SYNPO2: variants seen among roughly 807,000 people sequenced by gnomAD.
The protein encoded by SYNPO2 is synaptopodin-2.
A neutral mutation model predicts 85.0 loss-of-function variants in SYNPO2; 56 were observed. The ratio of observed to expected loss-of-function variants is 0.66; its 90% confidence interval spans 0.53 to 0.82. The LOEUF (loss-of-function observed/expected upper bound fraction) is 0.82. SYNPO2 is among the 40% of genes least tolerant of loss of function. SYNPO2 has a pLI of 0.00. For synonymous variants in SYNPO2, 602 were observed against 591.1 expected (o/e 1.02, Z -0.27); for missense variants, 1,575 against 1,534.2 (o/e 1.03, Z -0.44).
At chr4:118,914,365 A>G (rs1578545150) in intron 1 of SYNPO2, among the ~76,000 whole-genome samples, 1 of 152,160 alleles carries the variant, frequency 6.6e-6, no homozygotes. Context: ...AAGCCAAGAG[A>G]ACAGAGTATG....
intron 1 of SYNPO2, among the ~76,000 whole-genome samples, chr4:118,990,297 CAGTGCTGTGGTTGCTCAGAGGCA>C (rs1736366295): frequency 1.3e-5 from 2 of 152,190 alleles, no homozygotes; most frequent in Admixed American, 6.5e-5. Flanking sequence ...AAGAAACGTG[CAGTGCTGTGGTTGCTCAGAGGCA>C]AGAGCAATGG....
intron 1 of SYNPO2, among the ~76,000 whole-genome samples, chr4:118,973,911 T>C (rs1377050906): frequency 6.6e-6 from 1 of 152,208 alleles, no homozygotes; most frequent in Non-Finnish European, 1.5e-5. Flanking sequence ...GAACATAGTT[T>C]AACACAAGTA....
intron 4 of SYNPO2, chr4:119,037,354 A>C (rs1738558530): frequency 8.0e-7 from 1 of 1,255,180 alleles, no homozygotes; most frequent in Admixed American, 3.8e-5. Flanking sequence ...AAATTTCAAA[A>C]ATCAAAAGTT....
At chr4:118,872,880 G>A (rs974241046) in intron 1 of SYNPO2, among the ~76,000 whole-genome samples, 27 of 150,918 alleles carry the variant, frequency 1.8e-4, no homozygotes, top group Non-Finnish European at 4.0e-4. Flanking sequence ...ATGTCCATGT[G>A]TACACATTAT....
intron 1 of SYNPO2, among the ~76,000 whole-genome samples, chr4:118,881,264 T>G (rs1732091132): frequency 6.9e-6 from 1 of 145,514 alleles, no homozygotes; most frequent in African/African-American, 2.6e-5. Flanking sequence ...ATCGCACCAC[T>G]GGACTCCAGC....
chr4:118,976,290 G>A (rs1450742493), intron 1 of SYNPO2, among the ~76,000 whole-genome samples: 2 of 152,036 alleles, frequency 1.3e-5, no homozygotes, highest in African/African-American at 2.4e-5. Context: ...AGCTCTTAAG[G>A]CAGCGCGTCT....
At chr4:119,032,929 T>TTTGG in intron 4 of SYNPO2, 61 of 905,184 alleles carry the variant, frequency 6.7e-5, no homozygotes, top group Non-Finnish European at 7.5e-5. Flanking sequence ...AAAGGTTGAT[T>TTTGG]CCCACCCTCC....
upstream of SYNPO2, among the ~76,000 whole-genome samples, chr4:118,887,698 G>A (rs1289359419): frequency 6.6e-6 from 1 of 152,178 alleles, no homozygotes; most frequent in Non-Finnish European, 1.5e-5. Context: ...GAAATAGACT[G>A]TAGTCACTTA....
intron 1 of SYNPO2, among the ~76,000 whole-genome samples, chr4:119,010,210 A>T (rs1737238576): frequency 6.6e-6 from 1 of 152,192 alleles, no homozygotes; most frequent in Non-Finnish European, 1.5e-5. Flanking sequence ...TGAGGCTAAC[A>T]TTAATTTGTC....
rs376356542 is a variant in SYNPO2, at chr4:118,933,937, T to G, written c.105+44796T>G. On this transcript the variant is annotated intron_variant, in intron 1 of 4. Transcript: ENST00000307142. ...AAAACTGCTTTAGATCTTTAAATTC[T>G]TATTAATTTTTCAGTTGCAATGCTA... Among the ~76,000 whole-genome samples the G allele has an allele frequency of 2.0e-4, 29 of 148,530 alleles. 1 individual carries two copies. The South Asian group carries it at 2.0e-3, about 10-fold the overall frequency.
intron 1 of SYNPO2, among the ~76,000 whole-genome samples, chr4:118,863,329 T>C (rs891922759): frequency 4.6e-5 from 7 of 152,218 alleles, no homozygotes; most frequent in Admixed American, 1.3e-4. Flanking sequence ...GGCTTCAATC[T>C]TGTTATTTGT....
chr4:118,921,992 A>G (rs1179594954), intron 1 of SYNPO2, among the ~76,000 whole-genome samples: 1 of 152,166 alleles, frequency 6.6e-6, no homozygotes, highest in African/African-American at 2.4e-5. Flanking sequence ...TTTCACAATT[A>G]TCTTTTTATA....
intron 1 of SYNPO2, among the ~76,000 whole-genome samples, chr4:119,007,096 A>C (rs2149176202): frequency 6.7e-6 from 1 of 149,526 alleles, no homozygotes; most frequent in Admixed American, 6.7e-5. Flanking sequence ...GAGGCTTACA[A>C]ACAATTCTCT....
chr4:119,004,015 A>G (rs1190806397), intron 1 of SYNPO2, among the ~76,000 whole-genome samples: 5 of 152,072 alleles, frequency 3.3e-5, no homozygotes, highest in African/African-American at 1.2e-4. Context: ...TGGCTGTGGG[A>G]AACAGGAAAT....
intron 1 of SYNPO2, among the ~76,000 whole-genome samples, chr4:118,877,643 C>T: frequency 6.6e-6 from 1 of 152,100 alleles, no homozygotes; most frequent in Middle Eastern, 3.2e-3. Context: ...TGCAAATCAG[C>T]ACCACAATGA....
intron 4 of SYNPO2, chr4:119,033,849 T>C: frequency 1.0e-6 from 1 of 984,956 alleles, no homozygotes; most frequent in Non-Finnish European, 1.2e-6. Flanking sequence ...TGTTAGCATA[T>C]CTATTTCTCC....
intron 1 of SYNPO2, among the ~76,000 whole-genome samples, chr4:118,950,298 G>A (rs1486275151): frequency 1.3e-5 from 2 of 152,122 alleles, no homozygotes; most frequent in Admixed American, 6.6e-5. Context: ...CAGTTATAGC[G>A]AGGCCAACAG....
intron 1 of SYNPO2, among the ~76,000 whole-genome samples, chr4:118,879,072 A>G (rs1732001677): frequency 6.6e-6 from 1 of 152,162 alleles, no homozygotes. Context: ...TGTAACACTC[A>G]CTGTTAAGGT....
intron 1 of SYNPO2, among the ~76,000 whole-genome samples, chr4:118,864,170 T>A (rs766343741): frequency 6.6e-6 from 1 of 152,222 alleles, no homozygotes; most frequent in Non-Finnish European, 1.5e-5. Context: ...ATTATTTGTT[T>A]CAAGAAATGT....
Sources: allele counts gnomAD v4.1 joint callset (sites outside exome capture counted in the v4.1 genomes callset), GRCh38; gene constraint gnomAD v4.1.1; transcripts MANE v1.5; gene names NCBI Gene and HGNC (gene_info 2026-07-23, HGNC 2026-07-21).